SP8: variants seen among roughly 807,000 people sequenced by gnomAD.
SP8 encodes the protein transcription factor Sp8.
Under a neutral mutation model 15.3 loss-of-function variants are expected in SP8, and 7 were observed. The ratio of observed to expected loss-of-function variants is 0.46; its 90% CI spans 0.26 to 0.86. SP8 has a LOEUF of 0.86. SP8 is among the 40% of genes least tolerant of loss of function. The pLI, the probability that SP8 is intolerant of heterozygous loss-of-function variation, is 0.16. For synonymous variants in SP8, 415 were observed against 356.3 expected (o/e 1.16, Z -1.86); for missense variants, 731 against 736.4 (o/e 0.99, Z 0.09).
chr7:20,783,581 A>T lies in SP8; in HGVS notation c.*709T>A, dbSNP rs1783560443. On this transcript the variant is annotated 3_prime_UTR_variant, in exon 2 of 2. Transcript: ENST00000418710. ...AAGACTGCCCTTTGCTGAAACTTGC[A>T]TCGGTTCCACCTCAGGGAACAAAGA... 6.8e-6 allele frequency: 1 copy of T among 146,172 alleles called. No individual in the cohort carries two copies. 9.1% of individuals were successfully genotyped at this position (146,172 alleles called of 1,614,324 possible).
rs751456029 is a variant in SP8, at chr7:20,784,638, C to T, written c.1179G>A (p.Ala393=). The T allele has an allele frequency of 8.1e-6, 13 of 1,610,228 alleles. No individual in the cohort carries two copies. Among genetic ancestry groups the T allele is most frequent in the Non-Finnish European group, 1.1e-5 (13 of 1,179,192 alleles). Residue 393 remains alanine (A), a synonymous_variant, in exon 2 of 2, where the codon GCG becomes GCA. Coordinates refer to ENST00000418710, the MANE Select transcript of SP8 (RefSeq NM_182700.6). ...GCTCGCCCGTGTGCCAGCGCAGGTG[C>T]GCCTTGAGGTGCGAAGTCTTGCCGT... is the stretch of plus-strand genomic sequence containing the variant. The part of the protein sequence containing the change: ...KVYGKTSHLK[A]HLRWHTGERP...
rs931211502 is a variant in SP8 at position 20,785,414 on chromosome 7, AGGCGGCGGCTGC to A, written c.391_402del (p.Ala131_Ala134del). 20 of 1,184,472 alleles carry A rather than the reference AGGCGGCGGCTGC, an allele frequency of 1.7e-5. No individual in the cohort carries two copies. The East Asian group carries it at 1.8e-4, about 10-fold the overall frequency. The allele number at this position is 1,184,472 out of a possible 1,614,324, so 73.4% of individuals were successfully genotyped here. A position where few individuals can be genotyped will look rare whatever the true frequency, so the allele number is the denominator to read the frequency against. ...TAGTCGTTGGCGAAGGGCGAGCTGG[AGGCGGCGGCTGC>A]GGCGGCGGCGGCGGCGGCTGCGGCG... On this transcript the variant is annotated inframe_deletion, in exon 2 of 2. Coordinates refer to ENST00000418710, the MANE Select transcript of SP8 (RefSeq NM_182700.6). The surrounding 1 kb of genome is among the most constrained non-coding windows in gnomAD (Gnocchi z 7.2).
In SP8 at chr7:20,785,688, GGAA is replaced by G. The variant is rs1783657496; in HGVS notation, c.126_128del (p.Ser43del). On this transcript the variant is annotated inframe_deletion, in exon 2 of 2. Transcript: ENST00000418710. This position sits in a 1 kb window ranked among gnomAD's most constrained non-coding sequence, Gnocchi z 7.2. ...TCCAGGGGTGGAAGCCTTTGCCGAA[GGAA>G]GAAGAGCTGTCCGAGAGGGAGGAGG... 6.2e-7 allele frequency: 1 copy of G among 1,614,030 alleles called. No homozygotes were observed. The highest frequency in any genetic ancestry group is 8.5e-7 in the Non-Finnish European group (1 of 1,179,994).
In SP8 at chr7:20,786,096, C is replaced by T; in HGVS notation, c.22-301G>A. On this transcript the variant is annotated intron_variant, in intron 1 of 1. Transcript: ENST00000418710. The surrounding 1 kb of genome is among the most constrained non-coding windows in gnomAD (Gnocchi z 4.4). Reference sequence around the variant, plus strand: ...ACCTAAAACAACACTCTCTTGCACACAAAGCCCCAGACACTTCGTAACAAA... The same window carrying T: ...ACCTAAAACAACACTCTCTTGCACATAAAGCCCCAGACACTTCGTAACAAA... 8.9e-7 allele frequency: 1 copy of T among 1,128,704 alleles called. No homozygotes were observed. The highest frequency in any genetic ancestry group is 1.1e-6 in the Non-Finnish European group (1 of 886,164). The allele number at this position is 1,128,704 out of a possible 1,614,324, so 69.9% of individuals were successfully genotyped here. A position where few individuals can be genotyped will look rare whatever the true frequency, so the allele number is the denominator to read the frequency against.
chr7:20,786,754 G>A lies in SP8; in HGVS notation c.21+24C>T. The stretch of plus-strand genomic sequence containing the variant: ...CAATAAAAGGAAACTAATTAAACCA[G>A]CAAGAGAAAATCCTGAGACTCACCC... On this transcript the variant is annotated intron_variant, in intron 1 of 1. Coordinates refer to ENST00000418710, the MANE Select transcript of SP8 (RefSeq NM_182700.6). The surrounding 1 kb of genome is among the most constrained non-coding windows in gnomAD (Gnocchi z 4.4). 6.2e-7 allele frequency: 1 copy of A among 1,612,286 alleles called. No homozygotes were observed. Among genetic ancestry groups the A allele is most frequent in the South Asian group, 1.1e-5 (1 of 91,036 alleles).
chr7:20,783,210 C>G lies in SP8; in HGVS notation c.*1080G>C, dbSNP rs1216832680. ...AAATTGGTACTATACAATTGACGGC[C>G]GGACTAACAAAAAAGATTGGGAGGT... On this transcript the variant is annotated 3_prime_UTR_variant, in exon 2 of 2. Coordinates refer to ENST00000418710, the MANE Select transcript of SP8 (RefSeq NM_182700.6). The G allele has an allele frequency of 1.3e-5, 2 of 152,314 alleles. No individual in the cohort carries two copies. The highest frequency in any genetic ancestry group is 2.9e-5 in the Non-Finnish European group (2 of 68,000). The allele number at this position is 152,314 out of a possible 1,614,324, so 9.4% of individuals were successfully genotyped here.
chr7:20,786,648 A>G lies in SP8; in HGVS notation c.21+130T>C. On this transcript the variant is annotated intron_variant, in intron 1 of 1. Transcript: ENST00000418710. The surrounding 1 kb of genome is among the most constrained non-coding windows in gnomAD (Gnocchi z 4.4). ...CTTTTCTCCAAACTCACTTGTATTT[A>G]AAGAAAAAAAAAAAAAGCTCTCAAT... 1 of 785,296 alleles carries G rather than the reference A, an allele frequency of 1.3e-6. No individual in the cohort carries two copies. Among genetic ancestry groups the G allele is most frequent in the Non-Finnish European group, 2.2e-6 (1 of 454,356 alleles). 48.6% of individuals were successfully genotyped at this position (785,296 alleles called of 1,614,324 possible). A position where few individuals can be genotyped will look rare whatever the true frequency, so the allele number is the denominator to read the frequency against.
chr7:20,785,666 A>G lies in SP8; in HGVS notation c.151T>C (p.Trp51Arg), dbSNP rs779730693. ...SSSFGKGFHP[W>R]KRSSSSSSAS... ...GAAGAAGAGGACGAGGAGCGTTTCC[A>G]GGGGTGGAAGCCTTTGCCGAAGGAA... is the stretch of plus-strand genomic sequence containing the variant. The change falls in exon 2 of 2, where the codon TGG becomes CGG. Residue 51 changes from tryptophan to arginine, a missense_variant. Physicochemically the swap from Trp to Arg is moderately radical, Grantham distance 101 (BLOSUM62 -3). Coordinates refer to ENST00000418710, the MANE Select transcript of SP8 (RefSeq NM_182700.6). This position sits in a 1 kb window ranked among gnomAD's most constrained non-coding sequence, Gnocchi z 7.2. The G allele has an allele frequency of 6.2e-7, 1 of 1,613,744 alleles. No individual in the cohort carries two copies. Among genetic ancestry groups the G allele is most frequent in the Admixed American group, 1.7e-5 (1 of 59,980 alleles).
rs1248184003 is a variant in SP8, at chr7:20,784,445, C to T, written c.1372G>A (p.Gly458Ser). The T allele has an allele frequency of 6.5e-7, 1 of 1,540,674 alleles. No individual in the cohort carries two copies. Among genetic ancestry groups the T allele is most frequent in the East Asian group, 2.5e-5 (1 of 40,498 alleles). The change falls in exon 2 of 2, where the codon GGC becomes AGC. Residue 458 changes from glycine to serine, a missense_variant. Physicochemically the swap from Gly to Ser is moderately conservative, Grantham distance 56. This residue lies in a region of SP8 where 114 missense variants were observed against 111.9 expected (regional missense o/e 1.02). Coordinates refer to ENST00000418710, the MANE Select transcript of SP8 (RefSeq NM_182700.6). Reference protein sequence around the residue: ...HLSKHVKTHSGGGGGGGSAGS... With the variant: ...HLSKHVKTHSSGGGGGGSAGS... Reference sequence around the variant, plus strand: ...GCCGAGCCGCCGCCGCCGCCGCCGCCACTGTGCGTCTTCACGTGCTTGCTG... The same window carrying T: ...GCCGAGCCGCCGCCGCCGCCGCCGCTACTGTGCGTCTTCACGTGCTTGCTG...
rs1018160457 is a variant in SP8, at chr7:20,783,556, A to G, written c.*734T>C. 2.0e-5 allele frequency: 3 copies of G among 152,216 alleles called. No individual in the cohort carries two copies. The highest frequency in any genetic ancestry group is 4.4e-5 in the Non-Finnish European group (3 of 68,036). 9.4% of individuals were successfully genotyped at this position (152,216 alleles called of 1,614,324 possible). ...AAGAAAGCTGCTGCAGCGATTCGAC[A>G]AGACTGCCCTTTGCTGAAACTTGCA... On this transcript the variant is annotated 3_prime_UTR_variant, in exon 2 of 2. Transcript: ENST00000418710.
At position 20,785,460 on chromosome 7, in the gene SP8, G is replaced by A; in HGVS notation, c.357C>T (p.Thr119=). 7.3e-7 allele frequency: 1 copy of A among 1,365,238 alleles called. No homozygotes were observed. The highest frequency in any genetic ancestry group is 1.7e-5 in the South Asian group (1 of 59,380). The allele number at this position is 1,365,238 out of a possible 1,614,324, so 84.6% of individuals were successfully genotyped here. ...CGGCGGCGGCTGCGGCGCTGCTGGA[G>A]GTGAGGGAGAAGGCGCTGGAGCCAG... is the stretch of plus-strand genomic sequence containing the variant. ...GSPGSSAFSL[T]SSSAAAAAAA... The change falls in exon 2 of 2, where the codon ACC becomes ACT. Residue 119 remains threonine (T), a synonymous_variant. Transcript: ENST00000418710. The surrounding 1 kb of genome is among the most constrained non-coding windows in gnomAD (Gnocchi z 7.2).
rs1397682433 is a variant in SP8, at chr7:20,783,870, T to A, written c.*420A>T. On this transcript the variant is annotated 3_prime_UTR_variant, in exon 2 of 2. Coordinates refer to ENST00000418710, the MANE Select transcript of SP8 (RefSeq NM_182700.6). ...TCAGGCTTGTCAGCCGAGCCGCTCCTGCCCGCGCGAGGCCCGCTGTCTACC... is the reference window on the plus strand; with the variant it reads ...TCAGGCTTGTCAGCCGAGCCGCTCCAGCCCGCGCGAGGCCCGCTGTCTACC... 1.2e-4 allele frequency: 2 copies of A among 16,626 alleles called. No homozygotes were observed. 1.0% of individuals were successfully genotyped at this position (16,626 alleles called of 1,614,324 possible).
rs1783635931 is a variant in SP8, at chr7:20,785,349, G to GCTGCCC, written c.467_468insGGGCAG (p.Gly157_Gly158insSerGly). On this transcript the variant is annotated inframe_insertion, in exon 2 of 2. Coordinates refer to ENST00000418710, the MANE Select transcript of SP8 (RefSeq NM_182700.6). The surrounding 1 kb of genome is among the most constrained non-coding windows in gnomAD (Gnocchi z 7.2). ...CGCCGCCGCCGCCCCCGCCGCCGCC[G>GCTGCCC]CCGCTGCCCCCGGAAACTCCGGGGG... The GCTGCCC allele has an allele frequency of 7.3e-7, 1 of 1,362,490 alleles. No homozygotes were observed. The highest frequency in any genetic ancestry group is 9.6e-7 in the Non-Finnish European group (1 of 1,045,026). The allele number at this position is 1,362,490 out of a possible 1,614,324, so 84.4% of individuals were successfully genotyped here.
At position 20,783,534 on chromosome 7, in the gene SP8, A is replaced by C. The variant is rs1001058278; in HGVS notation, c.*756T>G. On this transcript the variant is annotated 3_prime_UTR_variant, in exon 2 of 2. Transcript: ENST00000418710. Reference sequence around the variant, plus strand: ...AAAATATATGCTATAAAGATGAAAGAAAGCTGCTGCAGCGATTCGACAAGA... The same window carrying C: ...AAAATATATGCTATAAAGATGAAAGCAAGCTGCTGCAGCGATTCGACAAGA... The C allele has an allele frequency of 6.6e-6, 1 of 152,224 alleles. No individual in the cohort carries two copies. Among genetic ancestry groups the C allele is most frequent in the African/African-American group, 2.4e-5 (1 of 41,462 alleles). The allele number at this position is 152,224 out of a possible 1,614,324, so 9.4% of individuals were successfully genotyped here.
chr7:20,785,568 C>T lies in SP8; in HGVS notation c.249G>A (p.Ser83=), dbSNP rs1455947718. The part of the protein sequence containing the change: ...GVSGASRNGG[S]SSAAAAAAAA... Reference sequence around the variant, plus strand: ...CCGCGGCCGCCGCAGCCGCCGAGGACGAGCCGCCGTTCCTGGAGGCCCCGG... The same window carrying T: ...CCGCGGCCGCCGCAGCCGCCGAGGATGAGCCGCCGTTCCTGGAGGCCCCGG... The change falls in exon 2 of 2, where the codon TCG becomes TCA. Residue 83 remains serine (S), a synonymous_variant. Coordinates refer to ENST00000418710, the MANE Select transcript of SP8 (RefSeq NM_182700.6). The surrounding 1 kb of genome is among the most constrained non-coding windows in gnomAD (Gnocchi z 7.2). The T allele has an allele frequency of 1.3e-5, 20 of 1,594,486 alleles. No homozygotes were observed. Among genetic ancestry groups the T allele is most frequent in the Non-Finnish European group, 1.4e-5 (16 of 1,173,250 alleles).
chr7:20,785,962 A>G lies in SP8; in HGVS notation c.22-167T>C. 1 of 1,450,646 alleles carries G rather than the reference A, an allele frequency of 6.9e-7. No homozygotes were observed. Among genetic ancestry groups the G allele is most frequent in the East Asian group, 2.5e-5 (1 of 39,992 alleles). 89.9% of individuals were successfully genotyped at this position (1,450,646 alleles called of 1,614,324 possible). ...CACCAACTCACCTGGCACCCCCAAC[A>G]GCCCCGGCGCCCGGCCGCTTCCTAC... On this transcript the variant is annotated intron_variant, in intron 1 of 1. Transcript: ENST00000418710. The surrounding 1 kb of genome is among the most constrained non-coding windows in gnomAD (Gnocchi z 7.2).
In SP8 at chr7:20,783,886, G is replaced by T. The variant is rs1783573967; in HGVS notation, c.*404C>A. ...AGCCGCTCCTGCCCGCGCGAGGCCC[G>T]CTGTCTACCAGGCACTGGATTAGTC... On this transcript the variant is annotated 3_prime_UTR_variant, in exon 2 of 2. Transcript: ENST00000418710. The T allele has an allele frequency of 1.2e-5, 2 of 173,882 alleles. No individual in the cohort carries two copies. The highest frequency in any genetic ancestry group is 2.4e-5 in the African/African-American group (1 of 42,116). 10.8% of individuals were successfully genotyped at this position (173,882 alleles called of 1,614,324 possible). A position where few individuals can be genotyped will look rare whatever the true frequency, so the allele number is the denominator to read the frequency against.
Position 20,784,864 on chromosome 7 carries a change from G to A in SP8, c.953C>T (p.Ala318Val). The A allele has an allele frequency of 2.6e-6, 4 of 1,526,140 alleles. No individual in the cohort carries two copies. Among genetic ancestry groups the A allele is most frequent in the Non-Finnish European group, 2.6e-6 (3 of 1,143,088 alleles). 94.5% of individuals were successfully genotyped at this position (1,526,140 alleles called of 1,614,324 possible). A position where few individuals can be genotyped will look rare whatever the true frequency, so the allele number is the denominator to read the frequency against. The stretch of plus-strand genomic sequence containing the variant: ...GCTCAACATGGAGCCCCCCGCGCCG[G>A]CCAGCGGCGACGGGGCCGAGTCCGG... ...SYPDSAPSPL[A>V]GAGGSMLSAG... Residue 318 changes from alanine to valine, a missense_variant, in exon 2 of 2, where the codon GCC becomes GTC. Around this residue, in one of 3 missense-constraint regions of SP8, gnomAD observed 586 missense variants for 524.9 expected, o/e 1.12. Transcript: ENST00000418710.
chr7:20,782,777 G>A lies in SP8; in HGVS notation c.*1513C>T, dbSNP rs1219557356. On this transcript the variant is annotated 3_prime_UTR_variant, in exon 2 of 2. Transcript: ENST00000418710. ...GTGCGTTTGTGGCTCTGCACCTCCA[G>A]AAGTGAGTTCAAAAAACCTGCAGCT... 1 of 152,260 alleles carries A rather than the reference G, an allele frequency of 6.6e-6. No homozygotes were observed. Among genetic ancestry groups the A allele is most frequent in the Non-Finnish European group, 1.5e-5 (1 of 68,026 alleles). The allele number at this position is 152,260 out of a possible 1,614,324, so 9.4% of individuals were successfully genotyped here.
Sources: gnomAD v4.1 joint callset for allele counts on GRCh38, gnomAD v4.1.1 for gene constraint, gnomAD v4.1.1 regional missense constraint, Gnocchi (gnomAD v3.1) non-coding constraint, MANE v1.5 for transcripts, NCBI Gene and HGNC (gene_info 2026-07-23, HGNC 2026-07-21) for gene names.